The following PAX5 variants were observed in gnomAD, a reference collection of about 807,000 sequenced individuals.
PAX5 encodes the protein paired box protein Pax-5.
PAX5 carries 9 observed loss-of-function variants against 43.7 expected under a neutral mutation model. The ratio of observed to expected loss-of-function variants is 0.21; its 90% CI spans 0.12 to 0.36. The LOEUF (loss-of-function observed/expected upper bound fraction) is 0.36, where lower values mean the gene tolerates loss of function less well. Among genes scored for constraint, PAX5 ranks in the 10% least tolerant of loss-of-function variants. The probability of loss-of-function intolerance (pLI) is 1.00; values close to 1 mark genes in which losing one functional copy is unlikely to be tolerated. For missense variants in PAX5, 383 were observed against 532.7 expected (o/e 0.72, Z 2.77); for synonymous variants, 228 against 214.3 (o/e 1.06, Z -0.56).
At chr9:36,973,088 A>AACGGAAC (rs1564026594) in intron 5 of PAX5, among the ~76,000 whole-genome samples, 20 of 87,890 alleles carry the variant, frequency 2.3e-4, no homozygotes, top group South Asian at 1.1e-3. Context: ...CGGAACGGAA[A>AACGGAAC]GGAAAGGAAA....
At chr9:36,862,972 C>T (rs980677995) in intron 8 of PAX5, among the ~76,000 whole-genome samples, 3 of 152,172 alleles carry the variant, frequency 2.0e-5, no homozygotes, top group Non-Finnish European at 2.9e-5. Context: ...GCACCAGAGT[C>T]ACCGGCTGAC....
At chr9:36,992,455 C>T (rs1222440707) in intron 5 of PAX5, among the ~76,000 whole-genome samples, 1 of 152,190 alleles carries the variant, frequency 6.6e-6, no homozygotes, top group Non-Finnish European at 1.5e-5. Flanking sequence ...TCTCGGGTGG[C>T]ACGAGCTGGC....
Position 36,835,808 on chromosome 9 carries a change from C to T in PAX5, c.*4752G>A, listed in dbSNP as rs910294396. Reference sequence around the variant, plus strand: ...AGAACTGGCCTCGTAGTGGGGCCACCGTGGAGCCGGTCTAGCTCAGAGCCC... The same window carrying T: ...AGAACTGGCCTCGTAGTGGGGCCACTGTGGAGCCGGTCTAGCTCAGAGCCC... On this transcript the variant is annotated 3_prime_UTR_variant, in exon 10 of 10. Transcript: ENST00000358127. The T allele has an allele frequency of 1.7e-5, 4 of 233,168 alleles. No homozygotes were observed. Among genetic ancestry groups the T allele is most frequent in the Non-Finnish European group, 2.5e-5 (3 of 118,114 alleles). 14.4% of individuals were successfully genotyped at this position (233,168 alleles called of 1,614,324 possible).
intron 3 of PAX5, among the ~76,000 whole-genome samples, chr9:37,012,132 G>C (rs1201131176): frequency 6.6e-6 from 1 of 152,166 alleles, no homozygotes; most frequent in Non-Finnish European, 1.5e-5. Flanking sequence ...AAGAGCACTG[G>C]AGAAGGCTAA....
chr9:37,009,115 A>G (rs985954137), intron 3 of PAX5, among the ~76,000 whole-genome samples: 3 of 152,252 alleles, frequency 2.0e-5, no homozygotes, highest in Non-Finnish European at 2.9e-5. Context: ...TTTGTATGTA[A>G]AAAAGCAAAG....
chr9:36,915,618 ATC>A (rs1209479290), intron 7 of PAX5, among the ~76,000 whole-genome samples: 3 of 152,060 alleles, frequency 2.0e-5, no homozygotes, highest in African/African-American at 7.3e-5. Flanking sequence ...GCTTTTTGTC[ATC>A]TGTCTTCTAC....
intron 5 of PAX5, among the ~76,000 whole-genome samples, chr9:36,973,250 C>T (rs1398985167): frequency 1.3e-5 from 2 of 152,144 alleles, no homozygotes; most frequent in Non-Finnish European, 2.9e-5. Context: ...CCCCACCTTA[C>T]CCCAGGGTCC....
chr9:36,961,095 C>G (rs1239043056), intron 6 of PAX5, among the ~76,000 whole-genome samples: 1 of 152,210 alleles, frequency 6.6e-6, no homozygotes, highest in Non-Finnish European at 1.5e-5. Context: ...CCCAGGGTAC[C>G]CAGCCCTTTT....
At chr9:36,946,201 A>T (rs1832501949) in intron 6 of PAX5, among the ~76,000 whole-genome samples, 1 of 152,176 alleles carries the variant, frequency 6.6e-6, no homozygotes, top group African/African-American at 2.4e-5. Context: ...GCAGTGCTCC[A>T]TCAGGAAGTG....
At chr9:36,993,095 C>A (rs1198322125) in intron 5 of PAX5, among the ~76,000 whole-genome samples, 3 of 152,100 alleles carry the variant, frequency 2.0e-5, no homozygotes, top group Admixed American at 1.3e-4. Flanking sequence ...TGGAGGTTTT[C>A]AGAAGCTGTA....
chr9:36,966,818 C>T, intron 5 of PAX5, 94 bp from the exon 6 acceptor site: 2 of 1,107,768 alleles, frequency 1.8e-6, no homozygotes, highest in Non-Finnish European at 2.6e-6. Flanking sequence ...GAGGACCTGA[C>T]CCCAACTCCC....
At chr9:36,841,968 G>A (rs994199980) in intron 9 of PAX5, among the ~76,000 whole-genome samples, 3 of 152,060 alleles carry the variant, frequency 2.0e-5, no homozygotes, top group Non-Finnish European at 2.9e-5. Context: ...CCAGAGTAGG[G>A]GTGACACTTT....
rs147975276 is a variant in PAX5, at chr9:36,946,571, A to G, written c.780+19978T>C. Among the ~76,000 whole-genome samples the G allele has an allele frequency of 2.9e-3, 449 of 152,312 alleles. 4 individuals are homozygous for G. The highest frequency in any genetic ancestry group is 0.01 in the African/African-American group (424 of 41,570). Reference sequence around the variant, plus strand: ...ATTTTCCTGTAGCTAAGCTTCTCCAAAGCAATGAGAGGTTTGTCTCTCAAG... The same window carrying G: ...ATTTTCCTGTAGCTAAGCTTCTCCAGAGCAATGAGAGGTTTGTCTCTCAAG... On this transcript the variant is annotated intron_variant, in intron 6 of 9. Coordinates refer to ENST00000358127, the MANE Select transcript of PAX5 (RefSeq NM_016734.3).
At chr9:37,019,285 A>G (rs759630310) in intron 2 of PAX5, among the ~76,000 whole-genome samples, 9 of 151,996 alleles carry the variant, frequency 5.9e-5, no homozygotes, top group Non-Finnish European at 1.0e-4. Context: ...CGCCTGCCTA[A>G]AACAACCACC....
intron 4 of PAX5, among the ~76,000 whole-genome samples, chr9:37,004,741 A>G (rs1270596233): frequency 1.3e-5 from 2 of 151,028 alleles, no homozygotes; most frequent in African/African-American, 2.5e-5. Flanking sequence ...GGTACTTTAA[A>G]CAACAACCAC....
intron 8 of PAX5, among the ~76,000 whole-genome samples, chr9:36,857,670 A>G (rs1823805920): frequency 6.6e-6 from 1 of 152,230 alleles, no homozygotes; most frequent in Non-Finnish European, 1.5e-5. Context: ...CTGCCAGCCC[A>G]GGCTGCATTG....
Position 36,833,514 on chromosome 9 carries a change from C to A in PAX5, c.*7046G>T. 4.3e-6 allele frequency: 1 copy of A among 232,250 alleles called. No individual in the cohort carries two copies. The allele number at this position is 232,250 out of a possible 1,614,324, so 14.4% of individuals were successfully genotyped here. ...AGGAAGCCACAAATTTCAGGTTTGA[C>A]AAGGAAAAAAAAGTAAAAAAAAAAT... On this transcript the variant is annotated 3_prime_UTR_variant, in exon 10 of 10. Coordinates refer to ENST00000358127, the MANE Select transcript of PAX5 (RefSeq NM_016734.3).
At chr9:36,920,737 G>A (rs972574022) in intron 7 of PAX5, among the ~76,000 whole-genome samples, 6 of 148,134 alleles carry the variant, frequency 4.1e-5, no homozygotes, top group African/African-American at 1.5e-4. Flanking sequence ...TGAGCATCAT[G>A]TCATACTCAA....
rs1839348733 is a variant in PAX5 at position 37,015,912 on chromosome 9, G to A, written c.213-718C>T. On this transcript the variant is annotated intron_variant, in intron 2 of 9. Coordinates refer to ENST00000358127, the MANE Select transcript of PAX5 (RefSeq NM_016734.3). The surrounding 1 kb of genome is among the most constrained non-coding windows in gnomAD (Gnocchi z 4.4). ...CATTGTATTTCTATTGGACAGCACT[G>A]GCTAAGCATTAACAAAATTCTTTCA... Among the ~76,000 whole-genome samples the A allele has an allele frequency of 6.6e-6, 1 of 152,188 alleles. No homozygotes were observed. Among genetic ancestry groups the A allele is most frequent in the Admixed American group, 6.5e-5 (1 of 15,280 alleles).
Sources: allele counts gnomAD v4.1 joint callset (sites outside exome capture counted in the v4.1 genomes callset), GRCh38; gene constraint gnomAD v4.1.1; non-coding constraint Gnocchi (gnomAD v3.1); transcripts MANE v1.5; gene names NCBI Gene and HGNC (gene_info 2026-07-23, HGNC 2026-07-21).